Variants in FOXN3 observed in about 807,000 individuals in gnomAD.
FOXN3 encodes forkhead box N3.
A neutral mutation model predicts 38.4 loss-of-function variants in FOXN3; 7 were observed. The observed-to-expected ratio is 0.18, with a 90% CI of 0.10 to 0.34. The LOEUF is 0.34. FOXN3 is among the 10% of genes least tolerant of loss of function. FOXN3 has a pLI of 1.00. For synonymous variants in FOXN3, 230 were observed against 242.2 expected (o/e 0.95, Z 0.47); for missense variants, 456 against 613.4 (o/e 0.74, Z 2.71).
At chr14:89,602,731 T>C (rs1160964376) in intron 1 of FOXN3, among the ~76,000 whole-genome samples, 2 of 152,002 alleles carry the variant, frequency 1.3e-5, no homozygotes, top group Non-Finnish European at 2.9e-5. Context: ...CACCTGACCT[T>C]GTGATCCACC....
chr14:89,292,060 C>A (rs1425905139), intron 3 of FOXN3, among the ~76,000 whole-genome samples: 2 of 152,216 alleles, frequency 1.3e-5, no homozygotes, highest in African/African-American at 4.8e-5. Flanking sequence ...TCGGCAGGCA[C>A]CGTCACCTCC....
chr14:89,199,284 C>T (rs916111054), intron 4 of FOXN3, among the ~76,000 whole-genome samples: 4 of 152,120 alleles, frequency 2.6e-5, no homozygotes, highest in Admixed American at 1.3e-4. Context: ...GACAAAGTGA[C>T]GCCAGTGAGC....
At chr14:89,388,238 A>AG (rs373559109) in intron 2 of FOXN3, among the ~76,000 whole-genome samples, 180 of 152,304 alleles carry the variant, frequency 1.2e-3, no homozygotes, top group African/African-American at 4.1e-3. Flanking sequence ...CTGGAAAGTC[A>AG]GGGAGGAGAT....
At chr14:89,450,494 C>T (rs1892592592) in intron 1 of FOXN3, among the ~76,000 whole-genome samples, 1 of 152,086 alleles carries the variant, frequency 6.6e-6, no homozygotes, top group South Asian at 2.1e-4. Flanking sequence ...GACACCTGGA[C>T]TTAAGTGTCT....
At chr14:89,351,759 TG>T (rs1322762248) in intron 2 of FOXN3, among the ~76,000 whole-genome samples, 1 of 152,186 alleles carries the variant, frequency 6.6e-6, no homozygotes. Flanking sequence ...CATAAACCCG[TG>T]CCCACCTCCT....
At chr14:89,283,582 A>G (rs1198891214) in intron 3 of FOXN3, among the ~76,000 whole-genome samples, 1 of 152,182 alleles carries the variant, frequency 6.6e-6, no homozygotes, top group Non-Finnish European at 1.5e-5. Flanking sequence ...GAGGAGTTGC[A>G]AACCACCCAT....
intron 3 of FOXN3, among the ~76,000 whole-genome samples, chr14:89,335,516 T>C (rs1057455174): frequency 6.6e-6 from 1 of 152,246 alleles, no homozygotes; most frequent in African/African-American, 2.4e-5. Flanking sequence ...AGACACTATT[T>C]TGATAATTAT....
intron 1 of FOXN3, among the ~76,000 whole-genome samples, chr14:89,603,048 C>G (rs551159826): frequency 4.9e-4 from 74 of 152,204 alleles, no homozygotes; most frequent in African/African-American, 1.7e-3. Flanking sequence ...GGGCAAACAC[C>G]TAGACCACCT....
intron 1 of FOXN3, among the ~76,000 whole-genome samples, chr14:89,436,871 G>A (rs1892285572): frequency 6.6e-6 from 1 of 152,222 alleles, no homozygotes; most frequent in Admixed American, 6.5e-5. Context: ...CTTAGGCCAG[G>A]CACGGTGGCT....
intron 3 of FOXN3, among the ~76,000 whole-genome samples, chr14:89,294,309 T>G (rs1372389119): frequency 6.6e-6 from 1 of 152,022 alleles, no homozygotes; most frequent in Non-Finnish European, 1.5e-5. Context: ...GTGCCCAGAG[T>G]GCTATCAGGG....
Position 89,417,087 on chromosome 14 carries a change from G to C in FOXN3, c.-231C>G, listed in dbSNP as rs1427618020. On this transcript the variant is annotated 5_prime_UTR_variant, in exon 1 of 6. Coordinates refer to ENST00000557258, the MANE Select transcript of FOXN3 (RefSeq NM_005197.4). ...GCGCGGCATGGGACCTGCGGCGTCC[G>C]CCGGGCGCGCCGCGCGTCCTCCCGC... 1.4e-5 allele frequency: 2 copies of C among 144,038 alleles called. No homozygotes were observed. The highest frequency in any genetic ancestry group is 5.0e-5 in the African/African-American group (2 of 40,200). The allele number at this position is 144,038 out of a possible 1,614,324, so 8.9% of individuals were successfully genotyped here.
chr14:89,178,715 T>C (rs765400548), intron 5 of FOXN3, among the ~76,000 whole-genome samples: 4 of 152,180 alleles, frequency 2.6e-5, no homozygotes, highest in Admixed American at 6.5e-5. Context: ...ATCAGTAAAA[T>C]TTGTCATCAT....
chr14:89,493,590 G>A (rs528292682), intron 1 of FOXN3, among the ~76,000 whole-genome samples: 1 of 152,118 alleles, frequency 6.6e-6, no homozygotes, highest in South Asian at 2.1e-4. Context: ...GACAAACCAG[G>A]GTCAGCTTGG....
At chr14:89,357,975 G>T (rs542599615) in intron 2 of FOXN3, among the ~76,000 whole-genome samples, 2 of 152,302 alleles carry the variant, frequency 1.3e-5, no homozygotes, top group South Asian at 4.2e-4. Flanking sequence ...GCCTGAGATT[G>T]TCTGGCTTTA....
chr14:89,156,627 C>G lies in FOXN3; in HGVS notation c.*5787G>C, dbSNP rs188935019. ...AGTAAACCTCTTGGTCTTCTGATTG[C>G]TTTATCACTTTTTTTTTTTTTCTGT... is the stretch of plus-strand genomic sequence containing the variant. On this transcript the variant is annotated 3_prime_UTR_variant, in exon 6 of 6. Coordinates refer to ENST00000557258, the MANE Select transcript of FOXN3 (RefSeq NM_005197.4). 6.6e-6 allele frequency: 1 copy of G among 151,304 alleles called. No individual in the cohort carries two copies. Among genetic ancestry groups the G allele is most frequent in the Non-Finnish European group, 1.5e-5 (1 of 67,914 alleles). The allele number at this position is 151,304 out of a possible 1,614,324, so 9.4% of individuals were successfully genotyped here.
intron 1 of FOXN3, among the ~76,000 whole-genome samples, chr14:89,540,693 G>A (rs905812136): frequency 2.0e-5 from 3 of 147,872 alleles, no homozygotes; most frequent in Non-Finnish European, 3.0e-5. Flanking sequence ...AGCCGAGATT[G>A]CAACACTGCA....
intron 3 of FOXN3, among the ~76,000 whole-genome samples, chr14:89,337,755 G>C (rs1348089062): frequency 6.6e-6 from 1 of 151,300 alleles, no homozygotes; most frequent in Non-Finnish European, 1.5e-5. Context: ...TCAGCCTCCT[G>C]AGTAGCTGGA....
chr14:89,334,238 G>C (rs1888368619), intron 3 of FOXN3, among the ~76,000 whole-genome samples: 1 of 152,082 alleles, frequency 6.6e-6, no homozygotes, highest in African/African-American at 2.4e-5. Context: ...GTGGTTACCA[G>C]GGGTTGGGGT....
rs1178266980 is a variant in FOXN3 at position 89,173,095 on chromosome 14, A to T, written c.851+7606T>A. 2.0e-5 allele frequency among the ~76,000 whole-genome samples: 3 copies of T among 152,240 alleles called. No homozygotes were observed. The East Asian group carries it at 5.8e-4, about 29-fold the overall frequency. ...ACAAGATTGATATGTAGACTATACC[A>T]AGAACTCCTATGAAGAGAAGAAAAA... On this transcript the variant is annotated intron_variant, in intron 5 of 5. Transcript: ENST00000557258.
Sources: gnomAD v4.1 joint callset for allele counts (sites outside exome capture counted in the v4.1 genomes callset) on GRCh38, gnomAD v4.1.1 for gene constraint, MANE v1.5 for transcripts, NCBI Gene and HGNC (gene_info 2026-07-23, HGNC 2026-07-21) for gene names.